Variants in KCNH2 observed in about 807,000 individuals in gnomAD.
The protein encoded by KCNH2 is potassium voltage-gated channel subfamily H member 2.
Under a neutral mutation model 95.9 loss-of-function variants are expected in KCNH2, and 35 were observed. The observed-to-expected ratio is 0.37, with a 90% CI of 0.28 to 0.48. The LOEUF (loss-of-function observed/expected upper bound fraction) is 0.48, where lower values mean the gene tolerates loss of function less well. Among genes scored for constraint, KCNH2 ranks in the 20% least tolerant of loss-of-function variants. KCNH2 has a pLI of 0.99. For missense variants in KCNH2, 1,274 were observed against 1,702.9 expected, an observed-to-expected ratio of 0.75 and a Z score of 4.43; for synonymous variants, 786 against 754.7, an observed-to-expected ratio of 1.04 and a Z score of -0.68.
rs41314405 is a variant in KCNH2, at chr7:150,957,235, AC to A, written c.1128+55del. The A allele has an allele frequency of 4.1e-3, 5,917 of 1,429,196 alleles. 182 individuals carry two copies. The African/African-American group carries it at 0.071, about 17-fold the overall frequency. 88.5% of individuals were successfully genotyped at this position (1,429,196 alleles called of 1,614,324 possible). ...CGGCTCTGGATCACAGCCCACTCCC[AC>A]CCCCTCTCCAAGCTCCTCCAAGGTG... On this transcript the variant is annotated intron_variant, in intron 5 of 14. Transcript: ENST00000262186.
Position 150,952,944 on chromosome 7 carries a change from TGAG to T in KCNH2, c.1129-94_1129-92del. The T allele has an allele frequency of 7.7e-7, 1 of 1,300,910 alleles. No individual in the cohort carries two copies. Among genetic ancestry groups the T allele is most frequent in the Non-Finnish European group, 1.1e-6 (1 of 930,170 alleles). 80.6% of individuals were successfully genotyped at this position (1,300,910 alleles called of 1,614,324 possible). On this transcript the variant is annotated intron_variant, in intron 5 of 14. Transcript: ENST00000262186. The surrounding 1 kb of genome is among the most constrained non-coding windows in gnomAD (Gnocchi z 7.3). ...ACATCTCTGCCGGGGCCAAGCAGAA[TGAG>T]GAGGAGGCCAAAAAAAGCTTCCATC...
chr7:150,964,962 A>G (rs780932991), intron 2 of KCNH2, among the ~76,000 whole-genome samples: 1 of 152,208 alleles, frequency 6.6e-6, no homozygotes, highest in Non-Finnish European at 1.5e-5. Flanking sequence ...AAGGCCAGGG[A>G]CATTGCAGGC....
Position 150,947,602 on chromosome 7 carries a change from A to T in KCNH2, c.2965+4T>A, listed in dbSNP as rs1290418039. 6.2e-7 allele frequency: 1 copy of T among 1,612,380 alleles called. No homozygotes were observed. The highest frequency in any genetic ancestry group is 8.5e-7 in the Non-Finnish European group (1 of 1,179,402). On this transcript the variant is annotated splice_donor_region_variant and intron_variant, in intron 12 of 14. Transcript: ENST00000262186. ...CTCCCTCGCCCGCCCGTCGCCCGGG[A>T]TACCTGACAGGGGGTTGCAAGTGTC...
At chr7:150,976,129 G>T (rs767514359) in intron 1 of KCNH2, among the ~76,000 whole-genome samples, 1 of 152,208 alleles carries the variant, frequency 6.6e-6, no homozygotes, top group African/African-American at 2.4e-5. Flanking sequence ...GTAATGCTGG[G>T]GCTTTCAGTA....
intron 2 of KCNH2, among the ~76,000 whole-genome samples, chr7:150,966,090 A>C (rs1299818973): frequency 6.6e-6 from 1 of 152,264 alleles, no homozygotes; most frequent in Non-Finnish European, 1.5e-5. Context: ...CAGGAACTGC[A>C]CCAGGTGTGA....
chr7:150,971,696 C>A (rs1801843952), intron 2 of KCNH2, among the ~76,000 whole-genome samples: 1 of 151,540 alleles, frequency 6.6e-6, no homozygotes, highest in Admixed American at 6.6e-5. Context: ...GACCAAGGGA[C>A]AGAGAGTAAG....
Position 150,952,324 on chromosome 7 carries a change from CTTTT to C in KCNH2, c.1557+97_1557+100del. On this transcript the variant is annotated intron_variant, in intron 6 of 14. Transcript: ENST00000262186. This position sits in a 1 kb window ranked among gnomAD's most constrained non-coding sequence, Gnocchi z 7.3. ...TCTTTCTCTCTTTCTCTCTCTCTCT[CTTTT>C]TCTCTGTCCTCCTCGCCACCCCCTC... 1.6e-5 allele frequency: 19 copies of C among 1,205,566 alleles called. No individual in the cohort carries two copies. The highest frequency in any genetic ancestry group is 2.0e-5 in the Non-Finnish European group (17 of 840,970). 74.7% of individuals were successfully genotyped at this position (1,205,566 alleles called of 1,614,324 possible).
intron 2 of KCNH2, among the ~76,000 whole-genome samples, chr7:150,972,005 GA>G (rs1801853152): frequency 6.6e-6 from 1 of 152,064 alleles, no homozygotes; most frequent in South Asian, 2.1e-4. Context: ...CACACCACTG[GA>G]CTCTGCCCCC....
chr7:150,947,863 C>T lies in KCNH2; in HGVS notation c.2708G>A (p.Gly903Glu). The T allele has an allele frequency of 6.5e-7, 1 of 1,530,064 alleles. No individual in the cohort carries two copies. The highest frequency in any genetic ancestry group is 8.7e-7 in the Non-Finnish European group (1 of 1,144,408). 94.8% of individuals were successfully genotyped at this position (1,530,064 alleles called of 1,614,324 possible). A position where few individuals can be genotyped will look rare whatever the true frequency, so the allele number is the denominator to read the frequency against. The change falls in exon 12 of 15, where the codon GGG becomes GAG. Residue 903 changes from glycine to glutamate, a missense_variant. Physicochemically the swap from Gly to Glu is moderately conservative, Grantham distance 98. Transcript: ENST00000262186. Reference protein sequence around the residue: ...RRTDKDTEQPGEVSALGPGRA... With the variant: ...RRTDKDTEQPEEVSALGPGRA... ...GCCCGGCCCCAAGGCCGACACCTCC[C>T]CTGGCTGCTCCGTGTCTGTGGGAAA...
Position 150,947,915 on chromosome 7 carries a change from G to A in KCNH2, c.2693-37C>T, listed in dbSNP as rs1049579764. The A allele has an allele frequency of 1.1e-5, 16 of 1,523,628 alleles. No homozygotes were observed. The African/African-American group carries it at 1.9e-4, about 18-fold the overall frequency. 94.4% of individuals were successfully genotyped at this position (1,523,628 alleles called of 1,614,324 possible). A position where few individuals can be genotyped will look rare whatever the true frequency, so the allele number is the denominator to read the frequency against. On this transcript the variant is annotated intron_variant, in intron 11 of 14. Transcript: ENST00000262186. ...AGAGAATGGGCCTCAGAGAGGGGAG[G>A]AGAACAGAGAGGAGGGGGCGAGGGT...
Position 150,945,162 on chromosome 7 carries a change from T to C in KCNH2, c.*203A>G. On this transcript the variant is annotated 3_prime_UTR_variant, in exon 15 of 15. Transcript: ENST00000262186. The surrounding 1 kb of genome is among the most constrained non-coding windows in gnomAD (Gnocchi z 5.6). ...CAGTGGGGGGACCACAGGCCCCACC[T>C]ACTGCCGGCCCTGCCCCTGCCCCTC... The C allele has an allele frequency of 1.6e-6, 1 of 625,688 alleles. No individual in the cohort carries two copies. Among genetic ancestry groups the C allele is most frequent in the Non-Finnish European group, 2.7e-6 (1 of 365,234 alleles). 38.8% of individuals were successfully genotyped at this position (625,688 alleles called of 1,614,324 possible). A position where few individuals can be genotyped will look rare whatever the true frequency, so the allele number is the denominator to read the frequency against.
chr7:150,949,677 G>T, intron 9 of KCNH2: 1 of 1,145,602 alleles, frequency 8.7e-7, no homozygotes, highest in Non-Finnish European at 1.1e-6. Flanking sequence ...AGGCAAAGGG[G>T]GAGGAAGTCC....
In KCNH2 at chr7:150,959,638, CCTT is replaced by C. The variant is rs1801498635; in HGVS notation, c.403_405del (p.Lys135del). ...TCATGAGCCGGGGACCCCACCATGT[CCTT>C]CTCCATCACCACCTCGAAATTGAGG... On this transcript the variant is annotated inframe_deletion, in exon 3 of 15. Coordinates refer to ENST00000262186, the MANE Select transcript of KCNH2 (RefSeq NM_000238.4). 6.2e-7 allele frequency: 1 copy of C among 1,614,222 alleles called. No individual in the cohort carries two copies. The highest frequency in any genetic ancestry group is 1.3e-5 in the African/African-American group (1 of 75,062).
Position 150,958,365 on chromosome 7 carries a change from C to A in KCNH2, c.610G>T (p.Ala204Ser). The change falls in exon 4 of 15, where the codon GCA becomes TCA. Residue 204 changes from alanine to serine, a missense_variant. Physicochemically the swap from Ala to Ser is moderately conservative, Grantham distance 99 (BLOSUM62 1). Transcript: ENST00000262186. ...AGGGCCAGCGACTCGCTGCTGGGTGCCGCGGGCGTCAGGTCCACGTCCACC... is the reference window on the plus strand; with the variant it reads ...AGGGCCAGCGACTCGCTGCTGGGTGACGCGGGCGTCAGGTCCACGTCCACC... ...VVVDVDLTPAAPSSESLALDE... is the reference protein window; with the variant it reads ...VVVDVDLTPASPSSESLALDE... 1.3e-5 allele frequency: 19 copies of A among 1,482,640 alleles called. No individual in the cohort carries two copies. The highest frequency in any genetic ancestry group is 1.7e-5 in the Non-Finnish European group (19 of 1,123,768). The allele number at this position is 1,482,640 out of a possible 1,614,324, so 91.8% of individuals were successfully genotyped here.
At chr7:150,964,302 T>A (rs1245504477) in intron 2 of KCNH2, among the ~76,000 whole-genome samples, 1 of 152,150 alleles carries the variant, frequency 6.6e-6, no homozygotes, top group Non-Finnish European at 1.5e-5. Context: ...CATCCGTGCC[T>A]GCGAAGTGTT....
At chr7:150,977,809 C>G in intron 1 of KCNH2, 29 bp downstream of exon 1, 2 of 1,248,422 alleles carry the variant, frequency 1.6e-6, no homozygotes, top group Non-Finnish European at 2.3e-6. Context: ...CCAGAGCCCC[C>G]TCCCCGCTCA....
intron 1 of KCNH2, among the ~76,000 whole-genome samples, chr7:150,977,141 T>G (rs1801998679): frequency 6.6e-6 from 1 of 152,092 alleles, no homozygotes; most frequent in Admixed American, 6.6e-5. Flanking sequence ...CATAAGGGAA[T>G]TAGGTGACAG....
At chr7:150,951,354 G>GT in intron 7 of KCNH2, 94 bp downstream of exon 7, 3 of 1,514,998 alleles carry the variant, frequency 2.0e-6, no homozygotes, top group Non-Finnish European at 2.7e-6. Flanking sequence ...AAGTTCCAGG[G>GT]CCTCACTCTG....
At chr7:150,967,114 A>G (rs1801725817) in intron 2 of KCNH2, among the ~76,000 whole-genome samples, 1 of 152,154 alleles carries the variant, frequency 6.6e-6, no homozygotes, top group South Asian at 2.1e-4. Context: ...CCCCGTCTCT[A>G]CTAAAAATAC....
Sources: gnomAD v4.1 joint callset for allele counts (sites outside exome capture counted in the v4.1 genomes callset) on GRCh38, gnomAD v4.1.1 for gene constraint, Gnocchi (gnomAD v3.1) non-coding constraint, MANE v1.5 for transcripts, NCBI Gene and HGNC (gene_info 2026-07-23, HGNC 2026-07-21) for gene names.